DOCK2: variants seen among roughly 807,000 people sequenced by gnomAD.
DOCK2 encodes the protein dedicator of cytokinesis 2.
In DOCK2, 87 loss-of-function variants were observed where a neutral mutation model predicts 248.9. The ratio of observed to expected loss-of-function variants is 0.35; its 90% CI spans 0.29 to 0.42. The LOEUF (loss-of-function observed/expected upper bound fraction) is 0.42. Among genes scored for constraint, DOCK2 ranks in the 10% least tolerant of loss-of-function variants. DOCK2 has a pLI of 1.00. For missense variants in DOCK2, 1,747 were observed against 2,300.2 expected, an observed-to-expected ratio of 0.76 and a Z score of 4.92; for synonymous variants, 805 against 821.6, an observed-to-expected ratio of 0.98 and a Z score of 0.35.
At chr5:169,870,578 C>CT (rs1561781674) in intron 27 of DOCK2, among the ~76,000 whole-genome samples, 1 of 151,456 alleles carries the variant, frequency 6.6e-6, no homozygotes, top group African/African-American at 2.4e-5. Flanking sequence ...TTTTTTTCTT[C>CT]TTTTTTTAAT....
At chr5:169,834,773 G>A (rs1279110441) in intron 26 of DOCK2, among the ~76,000 whole-genome samples, 1 of 152,226 alleles carries the variant, frequency 6.6e-6, no homozygotes, top group Non-Finnish European at 1.5e-5. Context: ...GATCACCTTA[G>A]CATCACACAC....
intron 40 of DOCK2, 51 bp downstream of exon 40, chr5:170,047,665 A>G (rs1238614037): frequency 1.3e-6 from 2 of 1,513,156 alleles, no homozygotes; most frequent in East Asian, 2.3e-5. Context: ...GGGCCTCGGC[A>G]TCTCAGCGGT....
intron 40 of DOCK2, among the ~76,000 whole-genome samples, chr5:170,047,962 C>T (rs778845257): frequency 1.3e-5 from 2 of 152,190 alleles, no homozygotes; most frequent in Non-Finnish European, 2.9e-5. Context: ...TTTTTGGTTC[C>T]AGAACCTTCT....
In DOCK2 at chr5:169,915,564, A is replaced by G. The variant is rs1329910924; in HGVS notation, c.2800-67504A>G. On this transcript the variant is annotated intron_variant, in intron 27 of 51. Transcript: ENST00000520908. Reference sequence around the variant, plus strand: ...TTTGAGGAATTGACAGGGAACACACACACACACACACACACACACACACAC... The same window carrying G: ...TTTGAGGAATTGACAGGGAACACACGCACACACACACACACACACACACAC... Among the ~76,000 whole-genome samples, 5 of 51,294 alleles carry G rather than the reference A, an allele frequency of 9.7e-5. No individual in the cohort carries two copies. The East Asian group carries it at 2.4e-3, about 25-fold the overall frequency. The allele number at this position is 51,294 out of a possible 152,430, so 33.7% of individuals were successfully genotyped here. A position where few individuals can be genotyped will look rare whatever the true frequency, so the allele number is the denominator to read the frequency against.
chr5:169,826,195 G>C (rs926368499), intron 26 of DOCK2, among the ~76,000 whole-genome samples: 1 of 152,118 alleles, frequency 6.6e-6, no homozygotes, highest in Non-Finnish European at 1.5e-5. Flanking sequence ...TTTCAAAATG[G>C]AAAGGTGTGA....
chr5:169,856,222 G>A (rs987750682), intron 27 of DOCK2, among the ~76,000 whole-genome samples: 2 of 152,178 alleles, frequency 1.3e-5, no homozygotes, highest in Non-Finnish European at 2.9e-5. Context: ...CATTTGGATG[G>A]GTTCAAAAGG....
intron 2 of DOCK2, among the ~76,000 whole-genome samples, chr5:169,663,418 G>A (rs1442337372): frequency 2.0e-5 from 3 of 152,224 alleles, no homozygotes; most frequent in African/African-American, 4.8e-5. Flanking sequence ...ACTAGGCAGT[G>A]CCTCACGGGG....
At chr5:169,947,533 G>A (rs368791697) in intron 27 of DOCK2, among the ~76,000 whole-genome samples, 158 of 152,310 alleles carry the variant, frequency 1.0e-3, no homozygotes, top group African/African-American at 3.7e-3. Context: ...CAGATTGACC[G>A]AGTGAGGGTT....
chr5:169,827,572 A>G (rs1026051152), intron 26 of DOCK2, among the ~76,000 whole-genome samples: 2 of 152,202 alleles, frequency 1.3e-5, no homozygotes, highest in Non-Finnish European at 2.9e-5. Flanking sequence ...GCTATGGATT[A>G]AAGGTGGGGG....
At chr5:169,743,031 C>G (rs1362820532) in intron 22 of DOCK2, among the ~76,000 whole-genome samples, 1 of 152,164 alleles carries the variant, frequency 6.6e-6, no homozygotes, top group Non-Finnish European at 1.5e-5. Flanking sequence ...ATGTTTACAT[C>G]CTGAAGCTGT....
chr5:169,996,391 GC>G, intron 30 of DOCK2, among the ~76,000 whole-genome samples: 1 of 152,190 alleles, frequency 6.6e-6, no homozygotes, highest in Non-Finnish European at 1.5e-5. Flanking sequence ...CGGTATAATG[GC>G]CTCTTATATT....
At chr5:169,910,044 C>T (rs1774508379) in intron 27 of DOCK2, among the ~76,000 whole-genome samples, 1 of 152,076 alleles carries the variant, frequency 6.6e-6, no homozygotes. Context: ...ACAAATTTGC[C>T]ATGAGGACAC....
rs1337997159 is a variant in DOCK2, at chr5:169,671,164, A to T, written c.311A>T (p.Gln104Leu). 2.5e-6 allele frequency: 4 copies of T among 1,614,058 alleles called. No individual in the cohort carries two copies. In the East Asian group the frequency reaches 8.9e-5, roughly 36 times the overall value. Residue 104 changes from glutamine (Q) to leucine (L), a missense_variant, in exon 5 of 52, where the codon CAA becomes CTA. Coordinates refer to ENST00000520908, the MANE Select transcript of DOCK2 (RefSeq NM_004946.3). ...TGGGAATGGGGAAGCATCTGGAAACAACTCTATGTGGTGAGACTCAGAACT... is the reference window on the plus strand; with the variant it reads ...TGGGAATGGGGAAGCATCTGGAAACTACTCTATGTGGTGAGACTCAGAACT... Reference protein sequence around the residue: ...TLWEWGSIWKQLYVASKKERF... With the variant: ...TLWEWGSIWKLLYVASKKERF...
chr5:169,664,980 C>T (rs9763409), intron 2 of DOCK2, among the ~76,000 whole-genome samples: 3 of 142,388 alleles, frequency 2.1e-5, no homozygotes, highest in African/African-American at 2.7e-5. Context: ...ATCAGCATAT[C>T]TATATATGTT....
chr5:169,998,268 C>G (rs570036612), intron 30 of DOCK2, among the ~76,000 whole-genome samples: 1 of 152,346 alleles, frequency 6.6e-6, no homozygotes, highest in African/African-American at 2.4e-5. Flanking sequence ...CACAACAACT[C>G]TATGCTCTGT....
intron 46 of DOCK2, among the ~76,000 whole-genome samples, chr5:170,071,769 T>A (rs1049201347): frequency 3.0e-4 from 45 of 151,954 alleles, no homozygotes; most frequent in Non-Finnish European, 6.0e-4. Context: ...TTCCTTGCTT[T>A]AAAAAAAATA....
intron 27 of DOCK2, among the ~76,000 whole-genome samples, chr5:169,964,539 G>C (rs1017702115): frequency 5.3e-5 from 8 of 152,224 alleles, no homozygotes; most frequent in African/African-American, 1.9e-4. Flanking sequence ...TAGAAACCCA[G>C]CATCTCCGCC....
chr5:169,883,988 C>T (rs1772825349), intron 27 of DOCK2: 5 of 1,264,304 alleles, frequency 4.0e-6, no homozygotes, highest in Non-Finnish European at 5.2e-6. Context: ...GATAGTATTT[C>T]AATCATAGAG....
At chr5:169,968,544 A>G (rs1436541490) in intron 27 of DOCK2, among the ~76,000 whole-genome samples, 4 of 152,196 alleles carry the variant, frequency 2.6e-5, no homozygotes. Flanking sequence ...GTGTTCTTCG[A>G]CTTCAGCATG....
Sources: gnomAD v4.1 joint callset for allele counts (sites outside exome capture counted in the v4.1 genomes callset) on GRCh38, gnomAD v4.1.1 for gene constraint, MANE v1.5 for transcripts, NCBI Gene and HGNC (gene_info 2026-07-23, HGNC 2026-07-21) for gene names.